SI: variants seen among roughly 807,000 people sequenced by gnomAD.
The protein encoded by SI is sucrase-isomaltase, intestinal.
Under a neutral mutation model 253.3 loss-of-function variants are expected in SI, and 235 were observed. That is an observed-to-expected ratio of 0.93 (90% CI 0.83 to 1.03). The LOEUF (loss-of-function observed/expected upper bound fraction) is 1.03, where lower values mean the gene tolerates loss of function less well. Ranked by LOEUF, SI falls within the 50% of genes least tolerant of loss-of-function variation. The probability of loss-of-function intolerance (pLI) is 0.00; values close to 1 mark genes in which losing one functional copy is unlikely to be tolerated. For missense variants in SI, 2,442 were observed against 2,211.1 expected (o/e 1.10, Z -2.09); for synonymous variants, 819 against 712.0 (o/e 1.15, Z -2.39).
intron 38 of SI, among the ~76,000 whole-genome samples, chr3:164,997,780 T>C (rs1366365295): frequency 6.6e-6 from 1 of 151,850 alleles, no homozygotes; most frequent in Non-Finnish European, 1.5e-5. Context: ...CTTAAGATAA[T>C]GGCCTCCAGC....
intron 10 of SI, 123 bp downstream of exon 10, chr3:165,059,779 G>T: frequency 1.1e-5 from 11 of 999,098 alleles, no homozygotes; most frequent in Non-Finnish European, 1.7e-5. Flanking sequence ...ACAATTAAAA[G>T]GCAGCCTCTT....
chr3:165,088,410 C>T, the SI span, among the ~76,000 whole-genome samples: 3 of 150,964 alleles, frequency 2.0e-5, no homozygotes, highest in Non-Finnish European at 3.0e-5. Context: ...TTTGGGAGGC[C>T]GAGGTGGGTG....
At chr3:165,076,231 C>T (rs1714964314) in intron 1 of SI, among the ~76,000 whole-genome samples, 1 of 151,638 alleles carries the variant, frequency 6.6e-6, no homozygotes, top group South Asian at 2.1e-4. Context: ...GTAAGCAACA[C>T]ATGCAATTTA....
intron 47 of SI, among the ~76,000 whole-genome samples, chr3:164,979,838 ATT>A (rs1219386270): frequency 6.6e-6 from 1 of 151,830 alleles, no homozygotes; most frequent in Non-Finnish European, 1.5e-5. Flanking sequence ...TAAAAGTGTT[ATT>A]TTAACTCAAT....
At chr3:165,030,966 C>T (rs1404160682) in intron 24 of SI, 99 bp from the exon 25 acceptor site, 11 of 1,415,362 alleles carry the variant, frequency 7.8e-6, no homozygotes, top group Non-Finnish European at 9.3e-6. Context: ...TTTAAAAAAA[C>T]ATTTTACATT....
Position 164,996,532 on chromosome 3 carries a change from T to G in SI, c.4692+3A>C. 7.2e-7 allele frequency: 1 copy of G among 1,391,772 alleles called. No individual in the cohort carries two copies. Among genetic ancestry groups the G allele is most frequent in the Middle Eastern group, 1.8e-4 (1 of 5,622 alleles). The allele number at this position is 1,391,772 out of a possible 1,614,324, so 86.2% of individuals were successfully genotyped here. On this transcript the variant is annotated splice_donor_region_variant and intron_variant, in intron 40 of 47. Coordinates refer to ENST00000264382, the MANE Select transcript of SI (RefSeq NM_001041.4). ...ACTGAAAGTAAATGTAGTAATTACA[T>G]ACTCTAGTATTTGCAATGTTGTGAT... is the stretch of plus-strand genomic sequence containing the variant.
rs775994398 is a variant in SI at position 165,043,126 on chromosome 3, CA to C, written c.1936del (p.Cys646AlafsTer44). On this transcript the variant is annotated frameshift_variant, in exon 17 of 48. Coordinates refer to ENST00000264382, the MANE Select transcript of SI (RefSeq NM_001041.4). LOFTEE classifies it high-confidence loss of function. The stretch of plus-strand genomic sequence containing the variant: ...TGCCCCAAGTTGCATCCATCTTCTG[CA>C]AAGTTCTTCTGTGGTTTCAGCCACA... ...GFVAETTEEL[C>X]RRWMQLGAFY... 7 of 1,612,746 alleles carry C rather than the reference CA, an allele frequency of 4.3e-6. No homozygotes were observed. The South Asian group carries it at 7.7e-5, about 18-fold the overall frequency.
chr3:165,065,878 T>G (rs1170018304), intron 6 of SI, among the ~76,000 whole-genome samples: 1 of 151,862 alleles, frequency 6.6e-6, no homozygotes, highest in Non-Finnish European at 1.5e-5. Context: ...GAAAGCATTT[T>G]TCCCCCAAAA....
intron 13 of SI, among the ~76,000 whole-genome samples, chr3:165,053,855 T>C (rs1713556429): frequency 6.6e-6 from 1 of 152,106 alleles, no homozygotes; most frequent in Non-Finnish European, 1.5e-5. Context: ...TTAAATAATA[T>C]AAGAACTAGA....
chr3:164,982,334 C>T lies in SI; in HGVS notation c.5324G>A (p.Trp1775Ter), dbSNP rs1271339714. ...ATTGACAGGAGTAGTTCCTTTCCCC[C>T]ATACATGAAGGGATCCAAGCCTCGT... The part of the protein sequence containing the change: ...SETRLGSLHV[W>*]GKGTTPVNAV... The change falls in exon 47 of 48, where the codon TGG (tryptophan) becomes TAG (stop). Residue 1775 changes from tryptophan (W) to a stop codon, truncating the protein, a stop_gained. Coordinates refer to ENST00000264382, the MANE Select transcript of SI (RefSeq NM_001041.4). LOFTEE classifies it high-confidence loss of function. The T allele has an allele frequency of 6.2e-7, 1 of 1,612,452 alleles. No homozygotes were observed. Among genetic ancestry groups the T allele is most frequent in the Non-Finnish European group, 8.5e-7 (1 of 1,178,870 alleles).
At chr3:165,067,814 A>C (rs985853594) in intron 5 of SI, among the ~76,000 whole-genome samples, 4 of 151,934 alleles carry the variant, frequency 2.6e-5, no homozygotes, top group Non-Finnish European at 4.4e-5. Context: ...AATTTAATCA[A>C]TCTCAATGCT....
At chr3:165,066,035 A>G (rs1300562557) in intron 6 of SI, among the ~76,000 whole-genome samples, 2 of 151,952 alleles carry the variant, frequency 1.3e-5, no homozygotes. Flanking sequence ...CATGGATTCA[A>G]CCAACCAGGG....
At chr3:164,992,486 T>A in intron 41 of SI, 89 bp from the exon 42 acceptor site, 1 of 902,934 alleles carries the variant, frequency 1.1e-6, no homozygotes, top group Non-Finnish European at 1.7e-6. Context: ...CATTTTGTAG[T>A]ATGGACTTTT....
intron 31 of SI, among the ~76,000 whole-genome samples, chr3:165,016,700 A>T (rs1448071431): frequency 6.6e-6 from 1 of 152,004 alleles, no homozygotes; most frequent in Non-Finnish European, 1.5e-5. Flanking sequence ...GGAATATTCA[A>T]TTGAAGCCTA....
chr3:165,073,213 T>TCTTTCC (rs1239311950), intron 3 of SI, among the ~76,000 whole-genome samples: 1 of 137,744 alleles, frequency 7.3e-6, no homozygotes, highest in Non-Finnish European at 1.6e-5. Flanking sequence ...TCTCTCTCTC[T>TCTTTCC]CTCTCTCTCT....
chr3:165,013,213 T>G (rs1449597250), intron 33 of SI, among the ~76,000 whole-genome samples, 171 bp from the exon 34 acceptor site: 1 of 152,148 alleles, frequency 6.6e-6, no homozygotes, highest in African/African-American at 2.4e-5. Context: ...TTGCAAACTA[T>G]TCCCATTTTC....
chr3:165,082,173 C>G (rs1715351819), upstream of SI, among the ~76,000 whole-genome samples: 1 of 151,946 alleles, frequency 6.6e-6, no homozygotes, highest in Admixed American at 6.6e-5. Flanking sequence ...TTATCTAGCT[C>G]TATCTCAATT....
At chr3:165,045,473 T>C (rs906068874) in intron 16 of SI, among the ~76,000 whole-genome samples, 2 of 152,054 alleles carry the variant, frequency 1.3e-5, no homozygotes, top group African/African-American at 4.8e-5. Flanking sequence ...TCCTTCTTTT[T>C]TTAACAAATA....
At chr3:165,030,324 A>G (rs1465830137) in intron 25 of SI, among the ~76,000 whole-genome samples, 2 of 150,890 alleles carry the variant, frequency 1.3e-5, no homozygotes, top group Non-Finnish European at 3.0e-5. Flanking sequence ...ACTCAACATC[A>G]TATGTCTTAA....
Sources: allele counts gnomAD v4.1 joint callset (sites outside exome capture counted in the v4.1 genomes callset), GRCh38; gene constraint gnomAD v4.1.1; transcripts MANE v1.5; gene names NCBI Gene and HGNC (gene_info 2026-07-23, HGNC 2026-07-21).